Variants in FIBCD1 observed in about 807,000 individuals in gnomAD.
FIBCD1 encodes the protein fibrinogen C domain containing 1.
FIBCD1 carries 47 observed loss-of-function variants against 45.1 expected under a neutral mutation model. The observed-to-expected ratio is 1.04, with a 90% confidence interval of 0.82 to 1.33. The LOEUF (loss-of-function observed/expected upper bound fraction) is 1.33. Among genes scored for constraint, FIBCD1 ranks in the 40% most tolerant of loss-of-function variants. The pLI is 0.00. For synonymous variants in FIBCD1, 313 were observed against 308.1 expected (o/e 1.02, Z -0.17); for missense variants, 653 against 682.2 (o/e 0.96, Z 0.48).
At chr9:130,910,586 T>G (rs1202161476) in intron 5 of FIBCD1, among the ~76,000 whole-genome samples, 1 of 152,238 alleles carries the variant, frequency 6.6e-6, no homozygotes, top group Admixed American at 6.5e-5. Context: ...GCTGGGCTCC[T>G]GAGTCTGGTG....
rs780911233 is a variant in FIBCD1, at chr9:130,904,054, G to A, written c.*10C>T. 134 of 1,611,218 alleles carry A rather than the reference G, an allele frequency of 8.3e-5. No individual in the cohort carries two copies. Among genetic ancestry groups the A allele is most frequent in the Non-Finnish European group, 1.1e-4 (128 of 1,179,458 alleles). ...AGGGACCAGCAGGGCCAAGGACAAG[G>A]TGCACCAGTCTAGCGGTCCTCCCGG... On this transcript the variant is annotated 3_prime_UTR_variant, in exon 7 of 7. Coordinates refer to ENST00000372338, the MANE Select transcript of FIBCD1 (RefSeq NM_032843.5).
At chr9:130,905,212 C>T (rs1414434186) in intron 6 of FIBCD1, 22 bp downstream of exon 6, 1 of 1,599,586 alleles carries the variant, frequency 6.3e-7, no homozygotes, top group African/African-American at 1.3e-5. Context: ...CTTCCCCATC[C>T]CTGCCACAGC....
chr9:130,940,600 T>C (rs1832606510), upstream of FIBCD1, among the ~76,000 whole-genome samples: 1 of 152,174 alleles, frequency 6.6e-6, no homozygotes, highest in African/African-American at 2.4e-5. Context: ...AACATACCTC[T>C]CCGAGCCTCA....
Position 130,922,477 on chromosome 9 carries a change from C to G in FIBCD1, c.849+1267G>C, listed in dbSNP as rs1832278127. 6.6e-6 allele frequency among the ~76,000 whole-genome samples: 1 copy of G among 152,216 alleles called. No individual in the cohort carries two copies. The highest frequency in any genetic ancestry group is 1.9e-4 in the East Asian group (1 of 5,160). The stretch of plus-strand genomic sequence containing the variant: ...GCTCAGAGAACCGAGGTAAGTTGCC[C>G]CAGGTCACACAGCAGGACTCAGAGC... On this transcript the variant is annotated intron_variant, in intron 4 of 6. Transcript: ENST00000372338. This position sits in a 1 kb window ranked among gnomAD's most constrained non-coding sequence, Gnocchi z 4.5.
rs1450370239 is a variant in FIBCD1 at position 130,938,574 on chromosome 9, C to T, written c.34G>A (p.Ala12Thr). ...CGCGGCCGGTCCTCAAGTTGGGCAGCGCCGCCCATGGTCTTCCACCGGTCG... is the reference window on the plus strand; with the variant it reads ...CGCGGCCGGTCCTCAAGTTGGGCAGTGCCGCCCATGGTCTTCCACCGGTCG... Reference protein sequence around the residue: ...VNDRWKTMGGAAQLEDRPRDK... With the variant: ...VNDRWKTMGGTAQLEDRPRDK... Residue 12 changes from alanine (A) to threonine (T), a missense_variant, in exon 1 of 7, where the codon GCT (alanine) becomes ACT (threonine). Ala to Thr is a moderately conservative substitution (Grantham distance 58, BLOSUM62 0). Transcript: ENST00000372338. 18 of 1,488,876 alleles carry T rather than the reference C, an allele frequency of 1.2e-5. No homozygotes were observed. The East Asian group carries it at 4.6e-4, about 38-fold the overall frequency. The allele number at this position is 1,488,876 out of a possible 1,614,324, so 92.2% of individuals were successfully genotyped here.
chr9:130,909,643 T>C (rs937240644), intron 5 of FIBCD1, among the ~76,000 whole-genome samples: 2 of 152,084 alleles, frequency 1.3e-5, no homozygotes, highest in Admixed American at 6.5e-5. Context: ...TTCCCAAATA[T>C]ATATAGGTAG....
intron 4 of FIBCD1, among the ~76,000 whole-genome samples, chr9:130,917,189 A>G (rs1832177276): frequency 6.6e-6 from 1 of 152,108 alleles, no homozygotes; most frequent in East Asian, 1.9e-4. Context: ...GAATTGGTCC[A>G]GCTCCGGGGG....
At chr9:130,915,513 G>A (rs1244474849) in intron 4 of FIBCD1, among the ~76,000 whole-genome samples, 1 of 152,186 alleles carries the variant, frequency 6.6e-6, no homozygotes, top group Non-Finnish European at 1.5e-5. Flanking sequence ...GACCAGCCTG[G>A]CCAACACGGT....
At chr9:130,920,680 G>A (rs114213879) in intron 4 of FIBCD1, among the ~76,000 whole-genome samples, 138 of 152,076 alleles carry the variant, frequency 9.1e-4, no homozygotes, top group African/African-American at 3.1e-3. Flanking sequence ...CTCCCCTGCC[G>A]CCAAACCTCC....
At chr9:130,930,124 G>C in intron 1 of FIBCD1, 78 bp from the exon 2 acceptor site, 1 of 1,443,160 alleles carries the variant, frequency 6.9e-7, no homozygotes, top group Non-Finnish European at 9.1e-7. Context: ...GGCATACCTG[G>C]GGTCAGAGGA....
At chr9:130,911,697 G>T in intron 5 of FIBCD1, 95 bp downstream of exon 5, 1 of 1,176,342 alleles carries the variant, frequency 8.5e-7, no homozygotes, top group Non-Finnish European at 1.2e-6. Flanking sequence ...GGGAAACCCA[G>T]CCCAAACCCA....
rs554908461 is a variant in FIBCD1, at chr9:130,926,075, C to T, written c.553-1679G>A. On this transcript the variant is annotated intron_variant, in intron 2 of 6. Coordinates refer to ENST00000372338, the MANE Select transcript of FIBCD1 (RefSeq NM_032843.5). This position sits in a 1 kb window ranked among gnomAD's most constrained non-coding sequence, Gnocchi z 4.1. ...GGGTTTCACGGCAGCATCCTGTAGA[C>T]GAGCTCCACTGGGCACGCCCCACAG... 6.6e-6 allele frequency among the ~76,000 whole-genome samples: 1 copy of T among 152,240 alleles called. No individual in the cohort carries two copies. Among genetic ancestry groups the T allele is most frequent in the South Asian group, 2.1e-4 (1 of 4,818 alleles).
intron 6 of FIBCD1, among the ~76,000 whole-genome samples, chr9:130,904,622 C>G (rs1313871789): frequency 6.6e-6 from 1 of 151,520 alleles, no homozygotes; most frequent in African/African-American, 2.4e-5. Context: ...CTCCTGCCTC[C>G]CCGCTCCTCG....
At chr9:130,919,566 C>T (rs1000424873) in intron 4 of FIBCD1, among the ~76,000 whole-genome samples, 1 of 152,232 alleles carries the variant, frequency 6.6e-6, no homozygotes, top group Non-Finnish European at 1.5e-5. Flanking sequence ...TGCTGTTGGG[C>T]TCCTCTGACG....
At chr9:130,906,918 G>A (rs550474008) in intron 5 of FIBCD1, among the ~76,000 whole-genome samples, 2 of 152,282 alleles carry the variant, frequency 1.3e-5, no homozygotes, top group South Asian at 4.1e-4. Context: ...CAAGGCCCCG[G>A]GGAAGGAGTG....
At chr9:130,912,817 GTCTTAA>G (rs34036944) in intron 4 of FIBCD1, among the ~76,000 whole-genome samples, 80,195 of 151,146 alleles carry the variant, frequency 0.53, 23,335 homozygotes, top group African/African-American at 0.78. Flanking sequence ...GGGGGGCAGA[GTCTTAA>G]TCTTTTTCCA....
At chr9:130,923,666 C>T (rs1055647653) in intron 4 of FIBCD1, 78 bp downstream of exon 4, 41 of 1,555,840 alleles carry the variant, frequency 2.6e-5, no homozygotes, top group Middle Eastern at 2.3e-4. Context: ...GGAAGCTGCT[C>T]GGAATGCCCG....
At chr9:130,905,534 T>C (rs1831912598) in intron 5 of FIBCD1, 121 bp from the exon 6 acceptor site, 1 of 1,044,748 alleles carries the variant, frequency 9.6e-7, no homozygotes, top group Non-Finnish European at 1.4e-6. Flanking sequence ...AACCACCAAG[T>C]GCGTGCAATC....
At chr9:130,904,357 G>T in intron 6 of FIBCD1, 34 bp from the exon 7 acceptor site, 1 of 1,570,768 alleles carries the variant, frequency 6.4e-7, no homozygotes, top group Non-Finnish European at 8.6e-7. Context: ...TGGGCACGGG[G>T]GGCACGGGTA....
Sources: gnomAD v4.1 joint callset for allele counts (sites outside exome capture counted in the v4.1 genomes callset) on GRCh38, gnomAD v4.1.1 for gene constraint, Gnocchi (gnomAD v3.1) non-coding constraint, MANE v1.5 for transcripts, NCBI Gene and HGNC (gene_info 2026-07-23, HGNC 2026-07-21) for gene names.